The following HOXA4 variants were observed in gnomAD, a reference collection of about 807,000 sequenced individuals.
HOXA4 encodes the protein homeobox A4.
HOXA4 carries 31 observed loss-of-function variants against 25.3 expected under a neutral mutation model. That is an observed-to-expected ratio of 1.22 (90% CI 0.92 to 1.65). HOXA4 has a LOEUF of 1.65. HOXA4 is among the 40% of genes most tolerant of loss of function. HOXA4 has a pLI of 0.00. For synonymous variants in HOXA4, 225 were observed against 207.7 expected, an observed-to-expected ratio of 1.08 and a Z score of -0.72; for missense variants, 459 against 446.0, an observed-to-expected ratio of 1.03 and a Z score of -0.26.
chr7:27,130,209 G>A lies in HOXA4; in HGVS notation c.525C>T (p.Cys175=), dbSNP rs759585700. ...GVPAGGSAPA[C]PLLLADKSPL... is the part of the protein sequence containing the mutation. ...GGCTCTTGTCGGCCAAGAGCAGCGG[G>A]CACGCGGGGGCGCTGCCCCCTGCCG... Residue 175 remains cysteine (C), a synonymous_variant, in exon 1 of 2, where the codon TGC becomes TGT. Transcript: ENST00000360046. 6 of 1,534,636 alleles carry A rather than the reference G, an allele frequency of 3.9e-6. 1 individual carries two copies. Among genetic ancestry groups the A allele is most frequent in the South Asian group, 2.4e-5 (2 of 84,670 alleles).
intron 1 of HOXA4, 162 bp downstream of exon 1, chr7:27,129,956 G>A: frequency 1.3e-6 from 1 of 758,556 alleles, no homozygotes; most frequent in Non-Finnish European, 2.1e-6. Flanking sequence ...GGATCAGGCG[G>A]CTGGCTGGCG....
Position 27,130,198 on chromosome 7 carries a change from A to T in HOXA4, c.536T>A (p.Leu179Ter), listed in dbSNP as rs1431327286. The change falls in exon 1 of 2, where the codon TTG (leucine) becomes TAG (stop). Residue 179 changes from leucine (L) to a stop codon, truncating the protein, a stop_gained. Coordinates refer to ENST00000360046, the MANE Select transcript of HOXA4 (RefSeq NM_002141.5). LOFTEE classifies it high-confidence loss of function. Reference sequence around the variant, plus strand: ...CAGGCCCAGCGGGCTCTTGTCGGCCAAGAGCAGCGGGCACGCGGGGGCGCT... The same window carrying T: ...CAGGCCCAGCGGGCTCTTGTCGGCCTAGAGCAGCGGGCACGCGGGGGCGCT... ...GGSAPACPLLLADKSPLGLKG... is the reference protein window; with the variant it reads ...GGSAPACPLL The T allele has an allele frequency of 5.1e-6, 8 of 1,572,100 alleles. No homozygotes were observed. Among genetic ancestry groups the T allele is most frequent in the Non-Finnish European group, 6.9e-6 (8 of 1,164,952 alleles).
rs1156621751 is a variant in HOXA4, at chr7:27,129,095, C to A, written c.*130G>T. 6.0e-5 allele frequency: 44 copies of A among 728,002 alleles called. 1 individual carries two copies. Among genetic ancestry groups the A allele is most frequent in the Non-Finnish European group, 2.5e-5 (10 of 403,408 alleles). 45.1% of individuals were successfully genotyped at this position (728,002 alleles called of 1,614,324 possible). A position where few individuals can be genotyped will look rare whatever the true frequency, so the allele number is the denominator to read the frequency against. ...GGATAATGTCTTCTTTTTGATTATT[C>A]TTTTCACCAATTTGGGTTTGTTTTG... On this transcript the variant is annotated 3_prime_UTR_variant, in exon 2 of 2. Transcript: ENST00000360046.
rs1785472227 is a variant in HOXA4, at chr7:27,130,260, C to G, written c.474G>C (p.Glu158Asp). The change falls in exon 1 of 2, where the codon GAG (glutamate) becomes GAC (aspartate). Residue 158 changes from glutamate to aspartate, a missense_variant. Physicochemically the swap from Glu to Asp is conservative, Grantham distance 45. Coordinates refer to ENST00000360046, the MANE Select transcript of HOXA4 (RefSeq NM_002141.5). The stretch of plus-strand genomic sequence containing the variant: ...GGACGCCTGGGGTGGCGGGGGCCGC[C>G]TCGCAGCGCCGCGGGGCCGCTGGGG... ...AVPPAAPRRC[E>D]AAPATPGVPA... is the part of the protein sequence containing the mutation. 1 of 1,193,938 alleles carries G rather than the reference C, an allele frequency of 8.4e-7. No homozygotes were observed. Among genetic ancestry groups the G allele is most frequent in the Admixed American group, 4.7e-5 (1 of 21,218 alleles). The allele number at this position is 1,193,938 out of a possible 1,614,324, so 74.0% of individuals were successfully genotyped here.
intron 1 of HOXA4, 132 bp downstream of exon 1, chr7:27,129,986 C>A: frequency 9.2e-7 from 1 of 1,083,644 alleles, no homozygotes; most frequent in Non-Finnish European, 1.3e-6. Context: ...CCACATCTCA[C>A]CGCAGCCCGG....
Position 27,129,454 on chromosome 7 carries a change from C to T in HOXA4, c.734G>A (p.Arg245His), listed in dbSNP as rs1248729558. Residue 245 changes from arginine to histidine, a missense_variant, in exon 2 of 2, where the codon CGC (arginine) becomes CAC (histidine). Arg to His is a conservative substitution (Grantham distance 29, BLOSUM62 0). Coordinates refer to ENST00000360046, the MANE Select transcript of HOXA4 (RefSeq NM_002141.5). ...ACAGAGCGTGTGGGCGATCTCGATG[C>T]GGCGCCGCCGGGTCAGGTATCGATT... ...HFNRYLTRRRRIEIAHTLCLS... is the reference protein window; with the variant it reads ...HFNRYLTRRRHIEIAHTLCLS... 4 of 1,614,032 alleles carry T rather than the reference C, an allele frequency of 2.5e-6. No individual in the cohort carries two copies. Among genetic ancestry groups the T allele is most frequent in the Non-Finnish European group, 3.4e-6 (4 of 1,180,020 alleles).
intron 1 of HOXA4, 172 bp downstream of exon 1, chr7:27,129,946 G>A: frequency 1.4e-6 from 1 of 707,012 alleles, no homozygotes. Context: ...TCTCATGTTG[G>A]GATCAGGCGG....
rs1261808735 is a variant in HOXA4, at chr7:27,130,167, G to A, written c.567C>T (p.Gly189=). ...TCCAGGGGTACACCACGGGCTCCTT[G>A]CCCTTCAGGCCCAGCGGGCTCTTGT... ...LADKSPLGLK[G]KEPVVYPWMK... The change falls in exon 1 of 2, where the codon GGC becomes GGT. Residue 189 remains glycine, a synonymous_variant. Coordinates refer to ENST00000360046, the MANE Select transcript of HOXA4 (RefSeq NM_002141.5). The A allele has an allele frequency of 6.3e-7, 1 of 1,598,140 alleles. No homozygotes were observed.
At position 27,129,022 on chromosome 7, in the gene HOXA4, C is replaced by T; in HGVS notation, c.*203G>A. ...GCAGGTTGTTCCACCAGCCAGCATC[C>T]TGGACAACTGTTCTCTCTTGGGTGG... On this transcript the variant is annotated 3_prime_UTR_variant, in exon 2 of 2. Transcript: ENST00000360046. 1.6e-6 allele frequency: 1 copy of T among 624,568 alleles called. No homozygotes were observed. Among genetic ancestry groups the T allele is most frequent in the Non-Finnish European group, 2.9e-6 (1 of 350,202 alleles). The allele number at this position is 624,568 out of a possible 1,614,324, so 38.7% of individuals were successfully genotyped here. A position where few individuals can be genotyped will look rare whatever the true frequency, so the allele number is the denominator to read the frequency against.
rs1479426170 is a variant in HOXA4 at position 27,130,182 on chromosome 7, C to G, written c.552G>C (p.Pro184=). The G allele has an allele frequency of 1.3e-6, 2 of 1,588,816 alleles. No individual in the cohort carries two copies. The highest frequency in any genetic ancestry group is 1.7e-5 in the Admixed American group (1 of 58,680). ...CGGGCTCCTTGCCCTTCAGGCCCAG[C>G]GGGCTCTTGTCGGCCAAGAGCAGCG... ...ACPLLLADKS[P]LGLKGKEPVV... is the part of the protein sequence containing the mutation. Residue 184 remains proline (P), a synonymous_variant, in exon 1 of 2, where the codon CCG becomes CCC. Coordinates refer to ENST00000360046, the MANE Select transcript of HOXA4 (RefSeq NM_002141.5).
In HOXA4 at chr7:27,130,260, C is replaced by A; in HGVS notation, c.474G>T (p.Glu158Asp). 1 of 1,194,044 alleles carries A rather than the reference C, an allele frequency of 8.4e-7. No individual in the cohort carries two copies. The allele number at this position is 1,194,044 out of a possible 1,614,324, so 74.0% of individuals were successfully genotyped here. A position where few individuals can be genotyped will look rare whatever the true frequency, so the allele number is the denominator to read the frequency against. Residue 158 changes from glutamate to aspartate, a missense_variant, in exon 1 of 2, where the codon GAG becomes GAT. Coordinates refer to ENST00000360046, the MANE Select transcript of HOXA4 (RefSeq NM_002141.5). ...GGACGCCTGGGGTGGCGGGGGCCGC[C>A]TCGCAGCGCCGCGGGGCCGCTGGGG... ...AVPPAAPRRC[E>D]AAPATPGVPA...
intron 1 of HOXA4, 95 bp downstream of exon 1, chr7:27,130,023 C>A (rs774894550): frequency 1.4e-4 from 197 of 1,393,126 alleles, no homozygotes; most frequent in Non-Finnish European, 1.8e-4. Context: ...CCTCCCGAGG[C>A]CCCCTTCCCC....
rs1318604293 is a variant in HOXA4 at position 27,130,453 on chromosome 7, C to T, written c.281G>A (p.Gly94Glu). ...ATAGGGGTAGGCGGTGTCCGCGGCC[C>T]CATGCGCGGGGTACAGCGCGGCAGC... ...YPAAALYPAHGAADTAYPYGY... is the reference protein window; with the variant it reads ...YPAAALYPAHEAADTAYPYGY... Residue 94 changes from glycine to glutamate, a missense_variant, in exon 1 of 2, where the codon GGG becomes GAG. Gly to Glu is a moderately conservative substitution (Grantham distance 98). Coordinates refer to ENST00000360046, the MANE Select transcript of HOXA4 (RefSeq NM_002141.5). 2.5e-6 allele frequency: 3 copies of T among 1,223,446 alleles called. No homozygotes were observed. Among genetic ancestry groups the T allele is most frequent in the Non-Finnish European group, 3.1e-6 (3 of 982,952 alleles). 75.8% of individuals were successfully genotyped at this position (1,223,446 alleles called of 1,614,324 possible).
Position 27,129,342 on chromosome 7 carries a change from T to G in HOXA4, c.846A>C (p.Arg282=). 6.2e-7 allele frequency: 1 copy of G among 1,614,086 alleles called. No homozygotes were observed. Among genetic ancestry groups the G allele is most frequent in the East Asian group, 2.2e-5 (1 of 44,848 alleles). ...CAGAGGCCGAGGCCGAATTGGAGGA[T>G]CGCATCTTGGTGTTGGGCAGTTTGT... The part of the protein sequence containing the change: ...KDHKLPNTKM[R]SSNSASASAG... The change falls in exon 2 of 2, where the codon CGA becomes CGC. Residue 282 remains arginine, a synonymous_variant. Coordinates refer to ENST00000360046, the MANE Select transcript of HOXA4 (RefSeq NM_002141.5).
rs1785483319 is a variant in HOXA4, at chr7:27,130,383, C to T, written c.351G>A (p.Glu117=). 1.7e-6 allele frequency: 2 copies of T among 1,151,592 alleles called. No individual in the cohort carries two copies. Among genetic ancestry groups the T allele is most frequent in the South Asian group, 4.2e-5 (1 of 23,766 alleles). 71.3% of individuals were successfully genotyped at this position (1,151,592 alleles called of 1,614,324 possible). The change falls in exon 1 of 2, where the codon GAG becomes GAA. Residue 117 remains glutamate, a synonymous_variant. Transcript: ENST00000360046. ...GASPGRPPQP[E]QPPAQAKGPA... is the part of the protein sequence containing the mutation. ...GGCCCTTGGCTTGCGCCGGGGGCTG[C>T]TCGGGCTGGGGCGGCCGCCCGGGGC... is the stretch of plus-strand genomic sequence containing the variant.
In HOXA4 at chr7:27,128,938, T is replaced by G; in HGVS notation, c.*287A>C. On this transcript the variant is annotated 3_prime_UTR_variant, in exon 2 of 2. Coordinates refer to ENST00000360046, the MANE Select transcript of HOXA4 (RefSeq NM_002141.5). ...TAGCTGACTGTAGCCATCTCAAAAGTATTTGATACCAAGTAGTCCTTCTCA... is the reference window on the plus strand; with the variant it reads ...TAGCTGACTGTAGCCATCTCAAAAGGATTTGATACCAAGTAGTCCTTCTCA... 4.2e-6 allele frequency: 2 copies of G among 471,544 alleles called. No individual in the cohort carries two copies. The highest frequency in any genetic ancestry group is 2.4e-5 in the South Asian group (1 of 41,164). The allele number at this position is 471,544 out of a possible 1,614,324, so 29.2% of individuals were successfully genotyped here.
Position 27,130,703 on chromosome 7 carries a change from TG to T in HOXA4, c.30del (p.Asn11ThrfsTer177), listed in dbSNP as rs758115782. 3.1e-6 allele frequency: 5 copies of T among 1,608,518 alleles called. No individual in the cohort carries two copies. Among genetic ancestry groups the T allele is most frequent in the Non-Finnish European group, 4.2e-6 (5 of 1,177,266 alleles). ...GGAGGGAACTTGGGCTCGATGTAGT[TG>T]GAGTTTATCAAAAACGAGCTCATGG... The part of the protein sequence containing the change: MTMSSFLIN[S>X]NYIEPKFPPF... On this transcript the variant is annotated frameshift_variant, in exon 1 of 2. Coordinates refer to ENST00000360046, the MANE Select transcript of HOXA4 (RefSeq NM_002141.5). LOFTEE classifies it high-confidence loss of function.
Position 27,130,188 on chromosome 7 carries a change from C to A in HOXA4, c.546G>T (p.Lys182Asn). The A allele has an allele frequency of 6.3e-7, 1 of 1,585,184 alleles. No individual in the cohort carries two copies. The highest frequency in any genetic ancestry group is 1.1e-5 in the South Asian group (1 of 89,094). ...APACPLLLADKSPLGLKGKEP... is the reference protein window; with the variant it reads ...APACPLLLADNSPLGLKGKEP... ...CCTTGCCCTTCAGGCCCAGCGGGCT[C>A]TTGTCGGCCAAGAGCAGCGGGCACG... Residue 182 changes from lysine (K) to asparagine (N), a missense_variant, in exon 1 of 2, where the codon AAG becomes AAT. By Grantham distance (94) the Lys-to-Asn change is moderately conservative. Transcript: ENST00000360046.
In HOXA4 at chr7:27,130,407, G is replaced by A. The variant is rs1320578244; in HGVS notation, c.327C>T (p.Ser109=). ...AYPYGYRGGA[S]PGRPPQPEQP... The stretch of plus-strand genomic sequence containing the variant: ...GCTCGGGCTGGGGCGGCCGCCCGGG[G>A]CTGGCGCCGCCGCGGTAGCCATAGG... Residue 109 remains serine, a synonymous_variant, in exon 1 of 2, where the codon AGC becomes AGT. Coordinates refer to ENST00000360046, the MANE Select transcript of HOXA4 (RefSeq NM_002141.5). 2.4e-5 allele frequency: 28 copies of A among 1,168,450 alleles called. No individual in the cohort carries two copies. The South Asian group carries it at 9.6e-4, about 40-fold the overall frequency. 72.4% of individuals were successfully genotyped at this position (1,168,450 alleles called of 1,614,324 possible).
Sources: allele counts gnomAD v4.1 joint callset, GRCh38; gene constraint gnomAD v4.1.1; transcripts MANE v1.5; gene names NCBI Gene and HGNC (gene_info 2026-07-23, HGNC 2026-07-21).